The following LANCL2 variants were observed in gnomAD, a reference collection of about 807,000 sequenced individuals.
The protein encoded by LANCL2 is lanC-like protein 2.
In LANCL2, 33 loss-of-function variants were observed where a neutral mutation model predicts 56.9. That is an observed-to-expected ratio of 0.58 (90% CI 0.44 to 0.78). LANCL2 has a LOEUF of 0.78. Among genes scored for constraint, LANCL2 ranks in the 30% least tolerant of loss-of-function variants. The probability of loss-of-function intolerance (pLI) is 0.00; values close to 1 mark genes in which losing one functional copy is unlikely to be tolerated. For missense variants in LANCL2, 562 were observed against 580.2 expected (o/e 0.97, Z 0.32); for synonymous variants, 233 against 228.2 (o/e 1.02, Z -0.19).
intron 6 of LANCL2, among the ~76,000 whole-genome samples, chr7:55,416,682 T>C (rs2128995735): frequency 6.6e-6 from 1 of 152,314 alleles, no homozygotes; most frequent in South Asian, 2.1e-4. Context: ...AAAGTCCCTC[T>C]GTCAGATATA....
chr7:55,422,614 C>T (rs961610872), intron 6 of LANCL2, among the ~76,000 whole-genome samples: 3 of 152,254 alleles, frequency 2.0e-5, no homozygotes, highest in African/African-American at 7.2e-5. Context: ...ATTTCTCGTT[C>T]TTCTCTGTAA....
intron 1 of LANCL2, among the ~76,000 whole-genome samples, chr7:55,391,310 G>T (rs1445276150): frequency 6.6e-6 from 1 of 152,082 alleles, no homozygotes; most frequent in East Asian, 1.9e-4. Context: ...GAGCCACCGC[G>T]CCCGGCCTGA....
intron 5 of LANCL2, among the ~76,000 whole-genome samples, chr7:55,410,089 G>A (rs1163713685): frequency 2.0e-5 from 3 of 152,286 alleles, no homozygotes; most frequent in African/African-American, 4.8e-5. Context: ...AGCCATGCAT[G>A]GATTGTTTAG....
intron 5 of LANCL2, among the ~76,000 whole-genome samples, chr7:55,407,304 G>A (rs6968790): frequency 0.17 from 25,105 of 152,068 alleles, 2,643 homozygotes; most frequent in Admixed American, 0.3. Context: ...CTCTGTCACC[G>A]CCAGCCTCAG....
intron 1 of LANCL2, among the ~76,000 whole-genome samples, chr7:55,381,100 A>G (rs1790063509): frequency 6.6e-6 from 1 of 151,898 alleles, no homozygotes; most frequent in African/African-American, 2.4e-5. Flanking sequence ...TGAACTCCTG[A>G]CCTCAGGTGT....
At chr7:55,393,360 T>G (rs1480640372) in intron 2 of LANCL2, among the ~76,000 whole-genome samples, 1 of 152,098 alleles carries the variant, frequency 6.6e-6, no homozygotes, top group East Asian at 1.9e-4. Flanking sequence ...TGGCAAAACC[T>G]GTCTCTACTA....
At chr7:55,401,514 T>C (rs1291380658) in intron 5 of LANCL2, among the ~76,000 whole-genome samples, 194 bp downstream of exon 5, 1 of 54,892 alleles carries the variant, frequency 1.8e-5, no homozygotes, top group African/African-American at 7.3e-5. Flanking sequence ...TGGTATGGAG[T>C]CTTTTTTTTT....
chr7:55,397,306 C>CA (rs369078134), intron 2 of LANCL2: 4 of 151,856 alleles, frequency 2.6e-5, no homozygotes, highest in Admixed American at 1.3e-4. Flanking sequence ...ACTGAAAATA[C>CA]AAAAAATAGC....
intron 6 of LANCL2, among the ~76,000 whole-genome samples, chr7:55,417,061 G>A (rs1436647688): frequency 7.5e-6 from 1 of 133,816 alleles, no homozygotes; most frequent in Non-Finnish European, 1.5e-5. Flanking sequence ...CTCACTACAA[G>A]CTCCGCCTCC....
intron 2 of LANCL2, among the ~76,000 whole-genome samples, chr7:55,393,266 T>A (rs1355380180): frequency 6.6e-6 from 1 of 152,198 alleles, no homozygotes; most frequent in African/African-American, 2.4e-5. Flanking sequence ...GTGCGGTGGC[T>A]CAAGCCTGTA....
Position 55,377,975 on chromosome 7 carries a change from C to T in LANCL2, c.204+11746C>T, listed in dbSNP as rs139213853. 2.7e-4 allele frequency among the ~76,000 whole-genome samples: 41 copies of T among 152,320 alleles called. 2 individuals carry two copies. The highest frequency in any genetic ancestry group is 9.6e-4 in the African/African-American group (40 of 41,576). On this transcript the variant is annotated intron_variant, in intron 1 of 8. Coordinates refer to ENST00000254770, the MANE Select transcript of LANCL2 (RefSeq NM_018697.4). ...AATTTTGCAGTAAGCAGAGAATGCA[C>T]AGCCCAGGAACTTTAGAAGTAGACA...
chr7:55,405,145 G>C (rs1005330369), intron 5 of LANCL2, among the ~76,000 whole-genome samples: 2 of 152,168 alleles, frequency 1.3e-5, no homozygotes, highest in African/African-American at 4.8e-5. Context: ...GGAATGCCAG[G>C]GCTGTAACTC....
intron 6 of LANCL2, among the ~76,000 whole-genome samples, chr7:55,420,186 C>T (rs1438551692): frequency 1.3e-5 from 2 of 152,082 alleles, no homozygotes; most frequent in African/African-American, 2.4e-5. Flanking sequence ...TTTTCTAATA[C>T]AGGCATTTAA....
At chr7:55,415,051 G>A (rs1236100483) in intron 6 of LANCL2, among the ~76,000 whole-genome samples, 1 of 150,672 alleles carries the variant, frequency 6.6e-6, no homozygotes, top group Non-Finnish European at 1.5e-5. Flanking sequence ...CATTGTATTA[G>A]GAATTTTATT....
In LANCL2 at chr7:55,411,731, T is replaced by C. The variant is rs139522656; in HGVS notation, c.826-176T>C. On this transcript the variant is annotated intron_variant, in intron 5 of 8. Transcript: ENST00000254770. ...ACAAAATACACTATAACACTAAGAT[T>C]TCAAACAGTTGAAACAAGTTTTGCC... is the stretch of plus-strand genomic sequence containing the variant. Among the ~76,000 whole-genome samples the C allele has an allele frequency of 6.0e-3, 918 of 152,348 alleles. 11 individuals are homozygous for C. Among genetic ancestry groups the C allele is most frequent in the African/African-American group, 0.021 (864 of 41,570 alleles).
chr7:55,391,544 T>C (rs899778390), intron 1 of LANCL2, among the ~76,000 whole-genome samples: 6 of 152,172 alleles, frequency 3.9e-5, no homozygotes, highest in African/African-American at 1.2e-4. Context: ...TTTTTAATTC[T>C]TTGATTTCTG....
At chr7:55,420,416 ATAT>A (rs1279988257) in intron 6 of LANCL2, among the ~76,000 whole-genome samples, 10 of 152,244 alleles carry the variant, frequency 6.6e-5, no homozygotes, top group African/African-American at 2.4e-4. Context: ...GTTACAGAAC[ATAT>A]TATGTACGAT....
At chr7:55,428,201 C>T in intron 7 of LANCL2, 174 bp from the exon 8 acceptor site, 6 of 620,358 alleles carry the variant, frequency 9.7e-6, no homozygotes, top group Non-Finnish European at 1.7e-5. Context: ...GCAAGCAGAG[C>T]CTTGCTGGGC....
At chr7:55,389,852 T>A (rs138963142) in intron 1 of LANCL2, among the ~76,000 whole-genome samples, 3 of 152,360 alleles carry the variant, frequency 2.0e-5, no homozygotes, top group Non-Finnish European at 4.4e-5. Flanking sequence ...TTGTTTAATC[T>A]TTTCAGAATG....
Sources: allele counts gnomAD v4.1 joint callset (sites outside exome capture counted in the v4.1 genomes callset), GRCh38; gene constraint gnomAD v4.1.1; transcripts MANE v1.5; gene names NCBI Gene and HGNC (gene_info 2026-07-23, HGNC 2026-07-21).